The following VCAM1 variants were observed in gnomAD, a reference collection of about 807,000 sequenced individuals.
VCAM1 encodes the protein vascular cell adhesion protein 1.
A neutral mutation model predicts 63.8 loss-of-function variants in VCAM1; 41 were observed. That is an observed-to-expected ratio of 0.64 (90% CI 0.50 to 0.83). The LOEUF (loss-of-function observed/expected upper bound fraction) is 0.83. Ranked by LOEUF, VCAM1 falls within the 40% of genes least tolerant of loss-of-function variation. VCAM1 has a pLI of 0.00. For synonymous variants in VCAM1, 338 were observed against 320.7 expected, an observed-to-expected ratio of 1.05 and a Z score of -0.58; for missense variants, 798 against 875.5, an observed-to-expected ratio of 0.91 and a Z score of 1.12.
intron 4 of VCAM1, 119 bp downstream of exon 4, chr1:100,725,009 C>A: frequency 1.5e-6 from 2 of 1,298,348 alleles, no homozygotes; most frequent in Non-Finnish European, 2.1e-6. Flanking sequence ...TATCTGATTG[C>A]CATATCCTTT....
At chr1:100,733,540 G>T (rs1660540736) in intron 7 of VCAM1, among the ~76,000 whole-genome samples, 1 of 152,166 alleles carries the variant, frequency 6.6e-6, no homozygotes, top group African/African-American at 2.4e-5. Flanking sequence ...TTGGATGGTT[G>T]TCATGACCTT....
At chr1:100,728,944 T>G (rs1660281364) in intron 4 of VCAM1, among the ~76,000 whole-genome samples, 163 bp from the exon 5 acceptor site, 1 of 152,060 alleles carries the variant, frequency 6.6e-6, no homozygotes. Flanking sequence ...TTAAAAGATG[T>G]GGGCTCATTT....
Position 100,734,114 on chromosome 1 carries a change from C to T in VCAM1, c.1793-388C>T, listed in dbSNP as rs550150733. 6.6e-4 allele frequency among the ~76,000 whole-genome samples: 101 copies of T among 152,258 alleles called. 2 individuals are homozygous for T. The highest frequency in any genetic ancestry group is 6.8e-3 in the Middle Eastern group (2 of 294). On this transcript the variant is annotated intron_variant, in intron 7 of 8. Transcript: ENST00000294728. ...GTTCTCGTAAAAACTCATTAACTAT[C>T]ATGAGAACAGCATGGGGGAAACAGC...
rs917209545 is a variant in VCAM1 at position 100,723,034 on chromosome 1, C to A, written c.355C>A (p.Pro119Thr). ...GGCCTTTTCAGCTTTTCCTAAGGAT[C>A]CAGAGATTCATTTGAGTGGCCCTCT... ...QVEIYSFPKD[P>T]EIHLSGPLEA... is the part of the protein sequence containing the mutation. Residue 119 changes from proline to threonine, a missense_variant, in exon 3 of 9, where the codon CCA (proline) becomes ACA (threonine). Coordinates refer to ENST00000294728, the MANE Select transcript of VCAM1 (RefSeq NM_001078.4). 8 of 1,610,218 alleles carry A rather than the reference C, an allele frequency of 5.0e-6. No individual in the cohort carries two copies. Among genetic ancestry groups the A allele is most frequent in the Non-Finnish European group, 6.8e-6 (8 of 1,178,398 alleles).
At chr1:100,723,455 C>A in intron 3 of VCAM1, 115 bp downstream of exon 3, 1 of 1,031,218 alleles carries the variant, frequency 9.7e-7, no homozygotes, top group Non-Finnish European at 1.4e-6. Context: ...GTTTGTATTC[C>A]ATTTGTATTC....
At chr1:100,733,610 A>C (rs1660543636) in intron 7 of VCAM1, among the ~76,000 whole-genome samples, 1 of 152,196 alleles carries the variant, frequency 6.6e-6, no homozygotes, top group Non-Finnish European at 1.5e-5. Flanking sequence ...GGGATTAAAA[A>C]TTGGTGATAT....
At position 100,721,313 on chromosome 1, in the gene VCAM1, G is replaced by GT. The variant is rs1659942124; in HGVS notation, c.340+562_340+563insT. On this transcript the variant is annotated intron_variant, in intron 2 of 8. Transcript: ENST00000294728. ...GTTGACACATTTAGGATTTTTTTTT[G>GT]GTTTTTTTGGTGCCATGAAGCCTTG... Among the ~76,000 whole-genome samples the GT allele has an allele frequency of 2.7e-5, 4 of 150,526 alleles. No homozygotes were observed. The East Asian group carries it at 5.9e-4, about 22-fold the overall frequency.
rs1308042833 is a variant in VCAM1 at position 100,732,421 on chromosome 1, C to T, written c.1529C>T (p.Ala510Val). 6.4e-7 allele frequency: 1 copy of T among 1,553,346 alleles called. No homozygotes were observed. The highest frequency in any genetic ancestry group is 2.1e-5 in the Admixed American group (1 of 47,200). ...QSTQTLYVNV[A>V]PRDTTVLVSP... ...ACAAGCGTCTCTGCCTTTTCAGTTG[C>T]CCCCAGAGATACAACCGTCTTGGTC... Residue 510 changes from alanine (A) to valine (V), a missense_variant, in exon 7 of 9, where the codon GCC (alanine) becomes GTC (valine). Coordinates refer to ENST00000294728, the MANE Select transcript of VCAM1 (RefSeq NM_001078.4).
At chr1:100,728,628 G>A (rs1660266234) in intron 4 of VCAM1, among the ~76,000 whole-genome samples, 1 of 151,698 alleles carries the variant, frequency 6.6e-6, no homozygotes, top group Non-Finnish European at 1.5e-5. Context: ...GGGGGAAAAG[G>A]AGGAAGAGAA....
At chr1:100,720,431 A>G in intron 1 of VCAM1, 45 bp from the exon 2 acceptor site, 3 of 1,582,472 alleles carry the variant, frequency 1.9e-6, no homozygotes, top group East Asian at 2.2e-5. Context: ...AGAATACTAG[A>G]CAAACTAGTG....
intron 1 of VCAM1, 98 bp downstream of exon 1, chr1:100,720,022 C>T (rs1659902884): frequency 7.6e-7 from 1 of 1,313,840 alleles, no homozygotes; most frequent in African/African-American, 1.5e-5. Flanking sequence ...AGTAAAGACA[C>T]TAGGATTTTA....
Position 100,723,111 on chromosome 1 carries a change from A to T in VCAM1, c.432A>T (p.Pro144=). 6.2e-7 allele frequency: 1 copy of T among 1,613,118 alleles called. No homozygotes were observed. The change falls in exon 3 of 9, where the codon CCA becomes CCT. Residue 144 remains proline (P), a synonymous_variant. Coordinates refer to ENST00000294728, the MANE Select transcript of VCAM1 (RefSeq NM_001078.4). The part of the protein sequence containing the change: ...TVKCSVADVY[P]FDRLEIDLLK... ...AGTGTTCAGTTGCTGATGTATACCC[A>T]TTTGACAGGCTGGAGATAGACTTAC...
At position 100,720,787 on chromosome 1, in the gene VCAM1, T is replaced by C. The variant is rs758015744; in HGVS notation, c.340+36T>C. ...TAGAAAATCTTTGTTTTTCTCTCAA[T>C]TTTACTTTAAAATCACTTTTTAAAA... On this transcript the variant is annotated intron_variant, in intron 2 of 8. Coordinates refer to ENST00000294728, the MANE Select transcript of VCAM1 (RefSeq NM_001078.4). 14 of 1,556,740 alleles carry C rather than the reference T, an allele frequency of 9.0e-6. No individual in the cohort carries two copies. In the South Asian group the frequency reaches 1.5e-4, roughly 16 times the overall value.
Position 100,720,620 on chromosome 1 carries a change from A to G in VCAM1, c.209A>G (p.Lys70Arg). 2 of 1,613,196 alleles carry G rather than the reference A, an allele frequency of 1.2e-6. No individual in the cohort carries two copies. The highest frequency in any genetic ancestry group is 8.5e-7 in the Non-Finnish European group (1 of 1,179,504). ...RTQIDSPLNG[K>R]VTNEGTTSTL... is the part of the protein sequence containing the mutation. Reference sequence around the variant, plus strand: ...CAGATAGATAGTCCACTGAATGGGAAGGTGACGAATGAGGGGACCACATCT... The same window carrying G: ...CAGATAGATAGTCCACTGAATGGGAGGGTGACGAATGAGGGGACCACATCT... Residue 70 changes from lysine (K) to arginine (R), a missense_variant, in exon 2 of 9, where the codon AAG becomes AGG. Physicochemically the swap from Lys to Arg is conservative, Grantham distance 26 (BLOSUM62 2). Transcript: ENST00000294728.
chr1:100,727,587 G>T (rs1037658808), intron 4 of VCAM1, among the ~76,000 whole-genome samples: 1 of 151,996 alleles, frequency 6.6e-6, no homozygotes, highest in Non-Finnish European at 1.5e-5. Context: ...GATACTACTG[G>T]CCTAAAGTAC....
intron 5 of VCAM1, 84 bp downstream of exon 5, chr1:100,729,466 A>C: frequency 6.9e-7 from 1 of 1,451,290 alleles, no homozygotes. Context: ...AAGTGCAATG[A>C]AATCCTTATG....
In VCAM1 at chr1:100,731,159, A is replaced by G. The variant is rs766015361; in HGVS notation, c.1205-39A>G. 2 of 1,546,412 alleles carry G rather than the reference A, an allele frequency of 1.3e-6. No individual in the cohort carries two copies. Among genetic ancestry groups the G allele is most frequent in the African/African-American group, 2.8e-5 (2 of 72,358 alleles). ...AAAGCTTAGCTCAATTTTTCCTTGAATATCAAGAATAAAAATCGTTTTTGC... is the reference window on the plus strand; with the variant it reads ...AAAGCTTAGCTCAATTTTTCCTTGAGTATCAAGAATAAAAATCGTTTTTGC... On this transcript the variant is annotated intron_variant, in intron 5 of 8. Transcript: ENST00000294728. This position sits in a 1 kb window ranked among gnomAD's most constrained non-coding sequence, Gnocchi z 4.2.
At position 100,729,327 on chromosome 1, in the gene VCAM1, C is replaced by T. The variant is rs758122796; in HGVS notation, c.1149C>T (p.Cys383=). 5.6e-6 allele frequency: 9 copies of T among 1,613,054 alleles called. No individual in the cohort carries two copies. In the Admixed American group the frequency reaches 8.3e-5, roughly 15 times the overall value. The change falls in exon 5 of 9, where the codon TGC becomes TGT. Residue 383 remains cysteine (C), a synonymous_variant. Coordinates refer to ENST00000294728, the MANE Select transcript of VCAM1 (RefSeq NM_001078.4). ...VSFENEHSYL[C]TVTCGHKKLE... ...TTGAGAACGAACACTCTTATCTGTG[C>T]ACAGTGACTTGTGGACATAAGAAAC...
rs1212269958 is a variant in VCAM1 at position 100,720,791 on chromosome 1, A to G, written c.340+40A>G. ...AAATCTTTGTTTTTCTCTCAATTTT[A>G]CTTTAAAATCACTTTTTAAAAATGA... is the stretch of plus-strand genomic sequence containing the variant. On this transcript the variant is annotated intron_variant, in intron 2 of 8. Transcript: ENST00000294728. The G allele has an allele frequency of 1.9e-6, 3 of 1,553,336 alleles. No individual in the cohort carries two copies. In the African/African-American group the frequency reaches 4.2e-5, roughly 22 times the overall value.
Sources: allele counts gnomAD v4.1 joint callset (sites outside exome capture counted in the v4.1 genomes callset), GRCh38; gene constraint gnomAD v4.1.1; non-coding constraint Gnocchi (gnomAD v3.1); transcripts MANE v1.5; gene names NCBI Gene and HGNC (gene_info 2026-07-23, HGNC 2026-07-21).